The following FAAH2 variants were observed in gnomAD, a reference collection of about 807,000 sequenced individuals.
FAAH2 encodes fatty-acid amide hydrolase 2.
In FAAH2, 60 loss-of-function variants were observed where a neutral mutation model predicts 36.9. The ratio of observed to expected loss-of-function variants is 1.63; its 90% CI spans 1.32 to 2.02. FAAH2 has a LOEUF of 2.02. Ranked by LOEUF, FAAH2 falls within the 30% of genes most tolerant of loss-of-function variation. FAAH2 has a pLI of 0.00. For synonymous variants in FAAH2, 214 were observed against 143.8 expected (o/e 1.49, Z -3.49); for missense variants, 689 against 397.5 (o/e 1.73, Z -6.23).
chrX:57,241,871 G>A, the FAAH2 span, among the ~76,000 whole-genome samples: 2 of 111,163 alleles, frequency 1.8e-5, no homozygotes, highest in African/African-American at 6.5e-5. Flanking sequence ...AAGCAGCTAT[G>A]GCCAGACTGC....
chrX:57,160,356 A>G, the FAAH2 span, among the ~76,000 whole-genome samples: 1 of 111,884 alleles, frequency 8.9e-6, no homozygotes, highest in Non-Finnish European at 1.9e-5. Flanking sequence ...TGGCCTCATA[A>G]AATGAGTTAG....
chrX:57,447,987 G>A (rs922500774), intron 9 of FAAH2, among the ~76,000 whole-genome samples: 15 of 111,927 alleles, frequency 1.3e-4, no homozygotes, highest in Admixed American at 1.3e-3. Context: ...TTTTCCAAAC[G>A]TTTATTCTCT....
the FAAH2 span, among the ~76,000 whole-genome samples, chrX:57,267,418 A>T: frequency 8.9e-6 from 1 of 112,576 alleles, no homozygotes; most frequent in African/African-American, 3.2e-5. Flanking sequence ...GCAATCACGC[A>T]TGCTTGTGGG....
At position 57,420,723 on chromosome X, in the gene FAAH2, G is replaced by C. The variant is rs1026049165; in HGVS notation, c.997-11195G>C. Among the ~76,000 whole-genome samples, 4 of 107,600 alleles carry C rather than the reference G, an allele frequency of 3.7e-5. No individual in the cohort carries two copies. The Admixed American group carries it at 4.0e-4, about 11-fold the overall frequency. 93.4% of individuals were successfully genotyped at this position (107,600 alleles called of 115,157 possible). On this transcript the variant is annotated intron_variant, in intron 7 of 10. Coordinates refer to ENST00000374900, the MANE Select transcript of FAAH2 (RefSeq NM_174912.4). Reference sequence around the variant, plus strand: ...TGAATACCCTTTATTTCCTTCTCCTGCCTAATTGCCCTGGCCAGAACTTCC... The same window carrying C: ...TGAATACCCTTTATTTCCTTCTCCTCCCTAATTGCCCTGGCCAGAACTTCC...
chrX:57,448,322 C>T (rs1313488602), intron 9 of FAAH2, among the ~76,000 whole-genome samples: 1 of 112,245 alleles, frequency 8.9e-6, no homozygotes, highest in Non-Finnish European at 1.9e-5. Flanking sequence ...TATGCAGTAG[C>T]AGAGGCTAGA....
intron 10 of FAAH2, among the ~76,000 whole-genome samples, chrX:57,477,837 C>A (rs2057301387): frequency 9.0e-6 from 1 of 111,602 alleles, no homozygotes; most frequent in African/African-American, 3.3e-5. Flanking sequence ...TTGATGGCTG[C>A]ATAGTATTCC....
chrX:57,164,291 C>T, the FAAH2 span, among the ~76,000 whole-genome samples: 1 of 111,947 alleles, frequency 8.9e-6, no homozygotes, highest in Non-Finnish European at 1.9e-5. Context: ...TGTAGGTGCC[C>T]AATGGGCCTA....
At chrX:57,319,466 G>T (rs966435369) in intron 3 of FAAH2, among the ~76,000 whole-genome samples, 3 of 111,538 alleles carry the variant, frequency 2.7e-5, no homozygotes, top group Non-Finnish European at 5.6e-5. Context: ...ACTTACAAGG[G>T]ATGTGAAGGA....
Position 57,341,301 on chromosome X carries a change from G to T in FAAH2, c.653G>T (p.Cys218Phe). The T allele has an allele frequency of 1.7e-6, 2 of 1,209,169 alleles. No individual in the cohort carries two copies. The highest frequency in any genetic ancestry group is 1.8e-5 in the South Asian group (1 of 56,641). ...GGEGCTLAAA[C>F]SVIGVGSDIG... Reference sequence around the variant, plus strand: ...GAGGGCTGCACACTGGCAGCTGCCTGCTCAGTTATTGGTGTGGGCTCTGAT... The same window carrying T: ...GAGGGCTGCACACTGGCAGCTGCCTTCTCAGTTATTGGTGTGGGCTCTGAT... The change falls in exon 5 of 11, where the codon TGC (cysteine) becomes TTC (phenylalanine). Residue 218 changes from cysteine (C) to phenylalanine (F), a missense_variant. Coordinates refer to ENST00000374900, the MANE Select transcript of FAAH2 (RefSeq NM_174912.4).
the FAAH2 span, among the ~76,000 whole-genome samples, chrX:57,221,326 C>T: frequency 4.5e-5 from 5 of 111,553 alleles, no homozygotes; most frequent in Non-Finnish European, 9.4e-5. Context: ...CACCTTAAAA[C>T]GTGCAACTTT....
the FAAH2 span, among the ~76,000 whole-genome samples, chrX:57,253,082 G>A: frequency 8.9e-6 from 1 of 111,830 alleles, no homozygotes; most frequent in African/African-American, 3.3e-5. Context: ...ATTACCTGAT[G>A]GAGCGGAAAA....
intron 8 of FAAH2, among the ~76,000 whole-genome samples, chrX:57,438,147 G>GTA (rs1430973772): frequency 1.1e-3 from 115 of 103,327 alleles, no homozygotes; most frequent in African/African-American, 3.3e-3. Flanking sequence ...ATATATTTGT[G>GTA]TATATATATA....
At chrX:57,380,494 C>A (rs192304998) in intron 6 of FAAH2, among the ~76,000 whole-genome samples, 1 of 111,943 alleles carries the variant, frequency 8.9e-6, no homozygotes, top group East Asian at 2.8e-4. Context: ...ACTGGATGAC[C>A]AAAATCAACC....
At chrX:57,218,258 G>A in the FAAH2 span, among the ~76,000 whole-genome samples, 4 of 111,613 alleles carry the variant, frequency 3.6e-5, no homozygotes, top group Admixed American at 3.8e-4. Context: ...GTGATATAGT[G>A]ACAGTCCTTG....
chrX:57,323,680 TTG>T (rs1332441724), intron 3 of FAAH2, among the ~76,000 whole-genome samples: 23 of 78,830 alleles, frequency 2.9e-4, no homozygotes, highest in Non-Finnish European at 5.2e-4. Flanking sequence ...GTTGATGGGG[TTG>T]TTTTTTTTTT....
chrX:57,299,787 T>A (rs1232540236), intron 2 of FAAH2, among the ~76,000 whole-genome samples: 3 of 111,663 alleles, frequency 2.7e-5, no homozygotes, highest in Non-Finnish European at 5.6e-5. Flanking sequence ...TGTACAAAAA[T>A]CACAAGCATT....
At chrX:57,388,357 G>A (rs762975414) in intron 7 of FAAH2, among the ~76,000 whole-genome samples, 2 of 111,160 alleles carry the variant, frequency 1.8e-5, no homozygotes, top group Non-Finnish European at 3.8e-5. Context: ...ATCAAACTTT[G>A]TGGGGGATAT....
At chrX:57,323,311 T>C (rs769572732) in intron 3 of FAAH2, among the ~76,000 whole-genome samples, 90 of 111,835 alleles carry the variant, frequency 8.0e-4, no homozygotes, top group Non-Finnish European at 1.3e-3. Context: ...CATGTGTCTT[T>C]ATAGCAGCAT....
intron 5 of FAAH2, among the ~76,000 whole-genome samples, chrX:57,350,798 C>G (rs973292006): frequency 9.0e-6 from 1 of 110,966 alleles, no homozygotes; most frequent in African/African-American, 3.3e-5. Flanking sequence ...GAGAATGTAA[C>G]AATTCTAATT....
Sources: gnomAD v4.1 joint callset for allele counts (sites outside exome capture counted in the v4.1 genomes callset) on GRCh38, gnomAD v4.1.1 for gene constraint, MANE v1.5 for transcripts, NCBI Gene and HGNC (gene_info 2026-07-23, HGNC 2026-07-21) for gene names.